CACNA1B: variants seen among roughly 807,000 people sequenced by gnomAD.
The protein encoded by CACNA1B is calcium voltage-gated channel subunit alpha1 B, also known as voltage-dependent N-type calcium channel subunit alpha-1B.
A neutral mutation model predicts 247.2 loss-of-function variants in CACNA1B; 70 were observed. That is an observed-to-expected ratio of 0.28 (90% CI 0.23 to 0.35). CACNA1B has a LOEUF of 0.35. Ranked by LOEUF, CACNA1B falls within the 10% of genes least tolerant of loss-of-function variation. The pLI is 1.00. For missense variants in CACNA1B, 2,367 were observed against 3,197.4 expected (o/e 0.74, Z 6.26); for synonymous variants, 1,231 against 1,294.4 (o/e 0.95, Z 1.05).
In CACNA1B at chr9:138,122,124, G is replaced by A. The variant is rs1162922573; in HGVS notation, c.*125G>A. On this transcript the variant is annotated 3_prime_UTR_variant, in exon 47 of 47. Transcript: ENST00000371372. Reference sequence around the variant, plus strand: ...TGCCCACCTTGGTGAGGCTCCTGTGGCCCCTCCCTCCCCCTCCTCCCCTCT... The same window carrying A: ...TGCCCACCTTGGTGAGGCTCCTGTGACCCCTCCCTCCCCCTCCTCCCCTCT... 1.2e-6 allele frequency: 1 copy of A among 811,584 alleles called. No homozygotes were observed. Among genetic ancestry groups the A allele is most frequent in the Non-Finnish European group, 1.9e-6 (1 of 528,214 alleles). The allele number at this position is 811,584 out of a possible 1,614,324, so 50.3% of individuals were successfully genotyped here.
chr9:138,087,738 AAGAC>A (rs1960746977), intron 36 of CACNA1B, among the ~76,000 whole-genome samples: 1 of 146,746 alleles, frequency 6.8e-6, no homozygotes, highest in South Asian at 2.1e-4. Context: ...AAAAAAAAAA[AAGAC>A]AGAAAAAGAG....
rs889397352 is a variant in CACNA1B at position 138,084,372 on chromosome 9, A to G, written c.5094+6114A>G. Among the ~76,000 whole-genome samples, 13 of 151,184 alleles carry G rather than the reference A, an allele frequency of 8.6e-5. 2 individuals are homozygous for G. The highest frequency in any genetic ancestry group is 3.2e-4 in the African/African-American group (13 of 40,880). On this transcript the variant is annotated intron_variant, in intron 36 of 46. Transcript: ENST00000371372. ...TCTTCCCATTGTGGGGAAAACAAAA[A>G]TAACAGGACCCCAAAAGCCCTTGAC...
intron 44 of CACNA1B, among the ~76,000 whole-genome samples, chr9:138,118,995 T>C (rs1589139422): frequency 6.6e-6 from 1 of 151,904 alleles, no homozygotes; most frequent in African/African-American, 2.4e-5. Context: ...CTCCAGAGGG[T>C]GGGTCAGGTC....
chr9:137,967,463 C>A (rs1489882058), intron 10 of CACNA1B, among the ~76,000 whole-genome samples: 3 of 152,226 alleles, frequency 2.0e-5, no homozygotes, highest in Non-Finnish European at 4.4e-5. Flanking sequence ...GCTCTCAGAG[C>A]CCTAACCTCA....
In CACNA1B at chr9:137,882,668, GT is replaced by G; in HGVS notation, c.391-75del. The G allele has an allele frequency of 1.3e-6, 2 of 1,551,286 alleles. No individual in the cohort carries two copies. Among genetic ancestry groups the G allele is most frequent in the Non-Finnish European group, 1.8e-6 (2 of 1,128,534 alleles). On this transcript the variant is annotated intron_variant, in intron 2 of 46. Transcript: ENST00000371372. This position sits in a 1 kb window ranked among gnomAD's most constrained non-coding sequence, Gnocchi z 4.0. ...TGTGGCCTGCACATGGTGGGGTGGG[GT>G]CCTCACCAACCGTCTCTGCCCGCTA... is the stretch of plus-strand genomic sequence containing the variant.
intron 6 of CACNA1B, among the ~76,000 whole-genome samples, chr9:137,920,514 C>T (rs755909671): frequency 6.6e-6 from 1 of 152,166 alleles, no homozygotes; most frequent in Non-Finnish European, 1.5e-5. Flanking sequence ...TTTCAACTGC[C>T]GAGTTGAAAC....
chr9:138,072,481 T>C lies in CACNA1B; in HGVS notation c.4675-1007T>C, dbSNP rs907830842. ...GTCTCATTTGACATCTGTGTTCTCT[T>C]TATTTGATGACTGAATCTGACAACA... On this transcript the variant is annotated intron_variant, in intron 32 of 46. Coordinates refer to ENST00000371372, the MANE Select transcript of CACNA1B (RefSeq NM_000718.4). The surrounding 1 kb of genome is among the most constrained non-coding windows in gnomAD (Gnocchi z 4.5). Among the ~76,000 whole-genome samples the C allele has an allele frequency of 6.6e-6, 1 of 152,248 alleles. No homozygotes were observed. Among genetic ancestry groups the C allele is most frequent in the Non-Finnish European group, 1.5e-5 (1 of 68,050 alleles).
intron 39 of CACNA1B, among the ~76,000 whole-genome samples, chr9:138,111,690 C>G (rs185013620): frequency 6.6e-6 from 1 of 152,208 alleles, no homozygotes. Flanking sequence ...TATTTTATTC[C>G]TCTGCTCAAA....
chr9:137,911,807 G>A (rs567357422), intron 3 of CACNA1B, among the ~76,000 whole-genome samples: 3 of 152,162 alleles, frequency 2.0e-5, no homozygotes, highest in South Asian at 2.1e-4. Flanking sequence ...CAAAGCCTTC[G>A]CCAAGAACCC....
At position 137,931,117 on chromosome 9, in the gene CACNA1B, TG is replaced by T. The variant is rs1390853786; in HGVS notation, c.966+13688del. ...CTTGACTACGAGTTGTCCAGGTTCT[TG>T]GCGGTTTGAACAAAGAATTGCACAA... On this transcript the variant is annotated intron_variant, in intron 6 of 46. Transcript: ENST00000371372. Among the ~76,000 whole-genome samples the T allele has an allele frequency of 2.6e-5, 4 of 152,128 alleles. No individual in the cohort carries two copies. In the East Asian group the frequency reaches 5.8e-4, roughly 22 times the overall value.
intron 15 of CACNA1B, among the ~76,000 whole-genome samples, chr9:138,006,483 CCTT>C (rs1347390076): frequency 6.6e-6 from 1 of 152,224 alleles, no homozygotes; most frequent in African/African-American, 2.4e-5. Flanking sequence ...CTGCCCACCT[CCTT>C]CTCCTGTTGG....
At chr9:137,939,984 A>G (rs900760770) in intron 6 of CACNA1B, among the ~76,000 whole-genome samples, 1 of 152,130 alleles carries the variant, frequency 6.6e-6, no homozygotes, top group African/African-American at 2.4e-5. Flanking sequence ...AACGAGCACA[A>G]ACAGACAATC....
At position 137,971,614 on chromosome 9, in the gene CACNA1B, T is replaced by C; in HGVS notation, c.1543+22T>C. 3 of 1,594,420 alleles carry C rather than the reference T, an allele frequency of 1.9e-6. No individual in the cohort carries two copies. Among genetic ancestry groups the C allele is most frequent in the Non-Finnish European group, 2.6e-6 (3 of 1,165,644 alleles). ...CTGTGTACGTATCCCCGTCCCTCCC[T>C]CAGGTGCTTCCTGAGCATCTCTGCT... On this transcript the variant is annotated intron_variant, in intron 11 of 46. Transcript: ENST00000371372. The surrounding 1 kb of genome is among the most constrained non-coding windows in gnomAD (Gnocchi z 4.4).
chr9:138,035,451 G>A (rs1028565660), intron 20 of CACNA1B, among the ~76,000 whole-genome samples: 4 of 152,102 alleles, frequency 2.6e-5, no homozygotes. Context: ...GGGCAACAGC[G>A]AGACTGTCTC....
At chr9:138,032,585 T>C (rs1304384585) in intron 20 of CACNA1B, 1 of 433,204 alleles carries the variant, frequency 2.3e-6, no homozygotes, top group Non-Finnish European at 4.6e-6. Context: ...ATTCTCTTAG[T>C]TTTCCTTCAT....
At chr9:138,105,205 C>G (rs566318126) in intron 38 of CACNA1B, among the ~76,000 whole-genome samples, 6 of 152,350 alleles carry the variant, frequency 3.9e-5, no homozygotes, top group Admixed American at 3.3e-4. Context: ...CAGGATGTCA[C>G]CTGTAGGGGC....
At chr9:138,118,608 G>A (rs201245691) in intron 43 of CACNA1B, 44 bp from the exon 44 acceptor site, 67 of 972,042 alleles carry the variant, frequency 6.9e-5, no homozygotes, top group African/African-American at 4.6e-4. Flanking sequence ...AGATGAGTCC[G>A]CGGTGCCTTG....
Position 138,020,501 on chromosome 9 carries a change from CAG to C in CACNA1B, c.2268-2505_2268-2504del, listed in dbSNP as rs1332395910. Reference sequence around the variant, plus strand: ...GTGCAGGCTGACTTAAGACACCATGCAGAGAGGCCCGGCACGCAGATTCAGAG... The same window carrying C: ...GTGCAGGCTGACTTAAGACACCATGCAGAGGCCCGGCACGCAGATTCAGAG... On this transcript the variant is annotated intron_variant, in intron 18 of 46. Coordinates refer to ENST00000371372, the MANE Select transcript of CACNA1B (RefSeq NM_000718.4). The surrounding 1 kb of genome is among the most constrained non-coding windows in gnomAD (Gnocchi z 4.1). 4.6e-5 allele frequency among the ~76,000 whole-genome samples: 7 copies of C among 152,336 alleles called. No individual in the cohort carries two copies. In the East Asian group the frequency reaches 1.3e-3, roughly 29 times the overall value.
chr9:138,115,572 C>A lies in CACNA1B; in HGVS notation c.5670C>A (p.Phe1890Leu). Reference sequence around the variant, plus strand: ...TGCAGATGGGTCCTGTGTCCCTGTTCCACCCTCTGAAGGCCACCCTGGAGC... The same window carrying A: ...TGCAGATGGGTCCTGTGTCCCTGTTACACCCTCTGAAGGCCACCCTGGAGC... ...GLSQMGPVSL[F>L]HPLKATLEQT... The change falls in exon 42 of 47, where the codon TTC becomes TTA. Residue 1890 changes from phenylalanine to leucine, a missense_variant. This residue lies in a region of CACNA1B where 773 missense variants were observed against 779.4 expected (regional missense o/e 0.99). Transcript: ENST00000371372. 6.2e-7 allele frequency: 1 copy of A among 1,613,540 alleles called. No individual in the cohort carries two copies. The highest frequency in any genetic ancestry group is 8.5e-7 in the Non-Finnish European group (1 of 1,179,794).
Sources: gnomAD v4.1 joint callset for allele counts (sites outside exome capture counted in the v4.1 genomes callset) on GRCh38, gnomAD v4.1.1 for gene constraint, gnomAD v4.1.1 regional missense constraint, Gnocchi (gnomAD v3.1) non-coding constraint, MANE v1.5 for transcripts, NCBI Gene and HGNC (gene_info 2026-07-23, HGNC 2026-07-21) for gene names.